Variants in ITSN1 observed in about 807,000 individuals in gnomAD.
The protein encoded by ITSN1 is intersectin 1, also known as intersectin-1.
Under a neutral mutation model 239.8 loss-of-function variants are expected in ITSN1, and 58 were observed. The observed-to-expected ratio is 0.24, with a 90% CI of 0.20 to 0.30. The LOEUF is 0.30. Among genes scored for constraint, ITSN1 ranks in the 10% least tolerant of loss-of-function variants. The pLI is 1.00. For synonymous variants in ITSN1, 780 were observed against 770.8 expected (o/e 1.01, Z -0.20); for missense variants, 1,558 against 2,103.3 (o/e 0.74, Z 5.07).
At chr21:33,774,911 A>G (rs375483284) in intron 13 of ITSN1, 33 bp downstream of exon 13, 1 of 1,604,138 alleles carries the variant, frequency 6.2e-7, no homozygotes, top group South Asian at 1.1e-5. Flanking sequence ...TTGAAAATAT[A>G]CTAAGATGGA....
Position 33,899,363 on chromosome 21 carries a change from G to T in ITSN1, c.*11063G>T, listed in dbSNP as rs1986967484. On this transcript the variant is annotated 3_prime_UTR_variant, in exon 40 of 40. Transcript: ENST00000381318. ...TGCTTCCCTCACAGCCCTGCCCAGGGGTAGGACCAGGCCCGCCCCTTGATG... is the reference window on the plus strand; with the variant it reads ...TGCTTCCCTCACAGCCCTGCCCAGGTGTAGGACCAGGCCCGCCCCTTGATG... 1 of 152,182 alleles carries T rather than the reference G, an allele frequency of 6.6e-6. No homozygotes were observed. The highest frequency in any genetic ancestry group is 2.1e-4 in the South Asian group (1 of 4,830). The allele number at this position is 152,182 out of a possible 1,614,324, so 9.4% of individuals were successfully genotyped here.
At chr21:33,679,286 T>A (rs1488410186) in intron 1 of ITSN1, among the ~76,000 whole-genome samples, 1 of 152,218 alleles carries the variant, frequency 6.6e-6, no homozygotes, top group Non-Finnish European at 1.5e-5. Context: ...TATGACATTG[T>A]AAACGTTCTA....
Position 33,852,021 on chromosome 21 carries a change from C to T in ITSN1, c.3662-4715C>T, listed in dbSNP as rs539406323. 3.2e-4 allele frequency among the ~76,000 whole-genome samples: 48 copies of T among 152,180 alleles called. 3 individuals are homozygous for T. The South Asian group carries it at 8.1e-3, about 26-fold the overall frequency. On this transcript the variant is annotated intron_variant, in intron 29 of 39. Coordinates refer to ENST00000381318, the MANE Select transcript of ITSN1 (RefSeq NM_003024.3). ...CAGGCTGGTCATGAACTCCTGGGCT[C>T]AGGCAATCCACCCACCTCTGCCTTC...
intron 29 of ITSN1, among the ~76,000 whole-genome samples, chr21:33,855,922 C>T (rs886937438): frequency 2.6e-5 from 4 of 152,256 alleles, no homozygotes; most frequent in African/African-American, 9.6e-5. Context: ...AGAGCCTCAG[C>T]ACAGCCACCT....
chr21:33,747,110 C>T (rs770845240), intron 5 of ITSN1, among the ~76,000 whole-genome samples: 18 of 152,102 alleles, frequency 1.2e-4, no homozygotes, highest in South Asian at 2.1e-4. Flanking sequence ...GCCAAGACCA[C>T]GCCACTGCAC....
intron 11 of ITSN1, among the ~76,000 whole-genome samples, chr21:33,768,313 A>G (rs977406135): frequency 1.3e-5 from 2 of 152,052 alleles, no homozygotes; most frequent in African/African-American, 2.4e-5. Context: ...ATGGAGTCTC[A>G]CTCTGTTACC....
rs568286165 is a variant in ITSN1 at position 33,875,667 on chromosome 21, C to G, written c.4341+146C>G. The G allele has an allele frequency of 1.5e-4, 106 of 704,054 alleles. No homozygotes were observed. The South Asian group carries it at 2.0e-3, about 13-fold the overall frequency. The allele number at this position is 704,054 out of a possible 1,614,324, so 43.6% of individuals were successfully genotyped here. On this transcript the variant is annotated intron_variant, in intron 34 of 39. Coordinates refer to ENST00000381318, the MANE Select transcript of ITSN1 (RefSeq NM_003024.3). ...TCCAGCTGCTTCTCATCTGCTGTTT[C>G]ATCCACCCACTGAGTATTTATTTAT...
intron 31 of ITSN1, among the ~76,000 whole-genome samples, chr21:33,862,292 G>GA (rs151252118): frequency 4.3e-4 from 62 of 145,526 alleles, no homozygotes; most frequent in African/African-American, 5.8e-4. Context: ...AAAAAGAAAA[G>GA]AAAAAAAAAA....
At chr21:33,778,664 C>T (rs1479376071) in intron 14 of ITSN1, among the ~76,000 whole-genome samples, 8 of 130,296 alleles carry the variant, frequency 6.1e-5, no homozygotes, top group African/African-American at 1.8e-4. Context: ...CTGCAAGCTC[C>T]GCCTCCCGGG....
intron 1 of ITSN1, chr21:33,689,223 C>T (rs2091393688): frequency 6.6e-6 from 1 of 152,214 alleles, no homozygotes; most frequent in African/African-American, 2.4e-5. Flanking sequence ...TGGTATGCTT[C>T]TATAAACTAC....
intron 1 of ITSN1, among the ~76,000 whole-genome samples, chr21:33,714,100 A>C (rs535168457): frequency 4.0e-5 from 6 of 151,042 alleles, no homozygotes; most frequent in Non-Finnish European, 8.9e-5. Flanking sequence ...AAAGTGCTGG[A>C]ATTACAGGCG....
intron 27 of ITSN1, among the ~76,000 whole-genome samples, chr21:33,831,355 G>C (rs948748335): frequency 6.6e-6 from 1 of 152,206 alleles, no homozygotes; most frequent in Non-Finnish European, 1.5e-5. Context: ...GGCTTGAACG[G>C]ATATAGGAAG....
chr21:33,882,263 G>C lies in ITSN1; in HGVS notation c.4362G>C (p.Val1454=). The C allele has an allele frequency of 1.2e-6, 2 of 1,614,056 alleles. No homozygotes were observed. Among genetic ancestry groups the C allele is most frequent in the Non-Finnish European group, 1.7e-6 (2 of 1,180,022 alleles). Residue 1454 remains valine (V), a synonymous_variant, in exon 35 of 40, where the codon GTG becomes GTC. Transcript: ENST00000381318. This position sits in a 1 kb window ranked among gnomAD's most constrained non-coding sequence, Gnocchi z 4.5. ...GLSEQLVFNS[V]TNCLGPRKFL... ...CTCAGCAACTTGTGTTCAATTCAGT[G>C]ACCAATTGCTTGGGGCCGCGCAAAT...
chr21:33,697,851 A>G (rs2091864037), intron 1 of ITSN1, among the ~76,000 whole-genome samples: 1 of 152,182 alleles, frequency 6.6e-6, no homozygotes, highest in African/African-American at 2.4e-5. Context: ...TGGCTCTCCT[A>G]TCTGCATCTG....
chr21:33,805,161 C>T (rs2072318229), intron 20 of ITSN1, among the ~76,000 whole-genome samples: 1 of 152,196 alleles, frequency 6.6e-6, no homozygotes, highest in African/African-American at 2.4e-5. Flanking sequence ...GCTGATCTAA[C>T]CTAATCTCTT....
intron 20 of ITSN1, among the ~76,000 whole-genome samples, chr21:33,807,197 C>A (rs1257246490): frequency 6.6e-6 from 1 of 152,142 alleles, no homozygotes; most frequent in Non-Finnish European, 1.5e-5. Context: ...GGGAGAAGCT[C>A]TTGCTTAAGG....
chr21:33,786,437 T>C (rs1433926902), intron 16 of ITSN1, among the ~76,000 whole-genome samples: 1 of 152,224 alleles, frequency 6.6e-6, no homozygotes, highest in Non-Finnish European at 1.5e-5. Flanking sequence ...AGGGTAGTTT[T>C]TCTTACACAC....
At chr21:33,777,067 T>G (rs995961076) in intron 14 of ITSN1, among the ~76,000 whole-genome samples, 14 of 152,172 alleles carry the variant, frequency 9.2e-5, no homozygotes, top group Non-Finnish European at 1.8e-4. Context: ...TTTTATAAAT[T>G]GAAAAAAACT....
intron 29 of ITSN1, among the ~76,000 whole-genome samples, chr21:33,847,979 A>G (rs2075036459): frequency 1.3e-5 from 2 of 152,170 alleles, no homozygotes; most frequent in Non-Finnish European, 2.9e-5. Context: ...TGGGATTTTT[A>G]AAAACTCCTT....
Sources: allele counts gnomAD v4.1 joint callset (sites outside exome capture counted in the v4.1 genomes callset), GRCh38; gene constraint gnomAD v4.1.1; non-coding constraint Gnocchi (gnomAD v3.1); transcripts MANE v1.5; gene names NCBI Gene and HGNC (gene_info 2026-07-23, HGNC 2026-07-21).